KCNK9: variants seen among roughly 807,000 people sequenced by gnomAD.
KCNK9 encodes the protein potassium two pore domain channel subfamily K member 9, also known as potassium channel subfamily K member 9.
In KCNK9, 1 loss-of-function variant was observed where a neutral mutation model predicts 10.8. That is an observed-to-expected ratio of 0.09 (90% confidence interval 0.03 to 0.44). KCNK9 has a LOEUF of 0.44. Among genes scored for constraint, KCNK9 ranks in the 20% least tolerant of loss-of-function variants. The probability of loss-of-function intolerance (pLI) is 0.97; values close to 1 mark genes in which losing one functional copy is unlikely to be tolerated. For synonymous variants in KCNK9, 231 were observed against 222.7 expected, an observed-to-expected ratio of 1.04 and a Z score of -0.33; for missense variants, 303 against 515.0, an observed-to-expected ratio of 0.59 and a Z score of 3.98.
chr8:139,637,619 G>A (rs1815376184), intron 1 of KCNK9, among the ~76,000 whole-genome samples: 1 of 152,210 alleles, frequency 6.6e-6, no homozygotes, highest in African/African-American at 2.4e-5. Context: ...GGGAAACAGG[G>A]AGGTCACAGT....
chr8:139,676,765 A>G (rs1816558818), intron 1 of KCNK9, among the ~76,000 whole-genome samples: 1 of 152,202 alleles, frequency 6.6e-6, no homozygotes, highest in Non-Finnish European at 1.5e-5. Flanking sequence ...AGCCTGGCCA[A>G]CATAGTGAAA....
intron 1 of KCNK9, among the ~76,000 whole-genome samples, chr8:139,687,503 TA>T: frequency 2.1e-5 from 1 of 46,902 alleles, no homozygotes; most frequent in African/African-American, 6.4e-5. Flanking sequence ...CATATATACA[TA>T]TATATGTATA....
intron 1 of KCNK9, among the ~76,000 whole-genome samples, chr8:139,670,305 G>C (rs1038411559): frequency 6.6e-6 from 1 of 152,200 alleles, no homozygotes; most frequent in Non-Finnish European, 1.5e-5. Context: ...GTTTGAAATA[G>C]TGTGAGCATT....
At chr8:139,623,859 T>A (rs953712913) in intron 1 of KCNK9, among the ~76,000 whole-genome samples, 2 of 152,154 alleles carry the variant, frequency 1.3e-5, no homozygotes, top group South Asian at 2.1e-4. Flanking sequence ...AAGGTAGAGA[T>A]AATGAAACCA....
intron 2 of KCNK9, among the ~76,000 whole-genome samples, chr8:139,606,963 C>T (rs1814236311): frequency 6.6e-6 from 1 of 152,100 alleles, no homozygotes; most frequent in South Asian, 2.1e-4. Flanking sequence ...AGGTCCTTCT[C>T]CCCCACATCC....
intron 1 of KCNK9, among the ~76,000 whole-genome samples, chr8:139,668,216 CA>C (rs890689555): frequency 6.6e-6 from 1 of 151,820 alleles, no homozygotes; most frequent in Non-Finnish European, 1.5e-5. Flanking sequence ...GGGAGAGGAG[CA>C]AAAAAATTAA....
chr8:139,605,155 G>C (rs910668165), intron 2 of KCNK9, among the ~76,000 whole-genome samples: 1 of 152,218 alleles, frequency 6.6e-6, no homozygotes, highest in Non-Finnish European at 1.5e-5. Flanking sequence ...TTCCCTTCTT[G>C]TGTCCATACA....
At chr8:139,604,147 G>T (rs367773237) in intron 2 of KCNK9, among the ~76,000 whole-genome samples, 2 of 152,210 alleles carry the variant, frequency 1.3e-5, no homozygotes, top group Non-Finnish European at 2.9e-5. Flanking sequence ...TCTCCAGGGC[G>T]CAGACTCTGA....
At chr8:139,648,621 G>A (rs543181338) in intron 1 of KCNK9, among the ~76,000 whole-genome samples, 28 of 152,252 alleles carry the variant, frequency 1.8e-4, no homozygotes, top group African/African-American at 5.1e-4. Flanking sequence ...TGCCAGCCCC[G>A]TCACTGAGCA....
rs572557485 is a variant in KCNK9 at position 139,670,642 on chromosome 8, T to A, written c.283+32068A>T. Among the ~76,000 whole-genome samples the A allele has an allele frequency of 5.3e-5, 8 of 152,262 alleles. No individual in the cohort carries two copies. The South Asian group carries it at 1.2e-3, about 24-fold the overall frequency. ...CGGAGAGGATCCATTCTCCCCCAGGTACCAAAAGACAAATATATTTGAAAA... is the reference window on the plus strand; with the variant it reads ...CGGAGAGGATCCATTCTCCCCCAGGAACCAAAAGACAAATATATTTGAAAA... On this transcript the variant is annotated intron_variant, in intron 1 of 1. Coordinates refer to ENST00000520439, the MANE Select transcript of KCNK9 (RefSeq NM_001282534.2).
chr8:139,615,194 TAGAGA>T (rs1164511789), downstream of KCNK9, among the ~76,000 whole-genome samples: 3 of 152,156 alleles, frequency 2.0e-5, no homozygotes, highest in Admixed American at 1.3e-4. Flanking sequence ...AGGAACATGG[TAGAGA>T]AATCAGTGGG....
intron 1 of KCNK9, among the ~76,000 whole-genome samples, chr8:139,674,666 G>A (rs906466145): frequency 5.3e-5 from 8 of 152,176 alleles, no homozygotes; most frequent in East Asian, 3.9e-4. Context: ...CACGGGGCCA[G>A]ACGGTCTCTC....
At chr8:139,697,743 T>C (rs981912255) in intron 1 of KCNK9, among the ~76,000 whole-genome samples, 1 of 152,118 alleles carries the variant, frequency 6.6e-6, no homozygotes, top group African/African-American at 2.4e-5. Flanking sequence ...GCTGGGTGTC[T>C]CCGCATTCCG....
rs1815672201 is a variant in KCNK9, at chr8:139,646,218, T to C, written c.284-27119A>G. 2.6e-5 allele frequency among the ~76,000 whole-genome samples: 4 copies of C among 152,350 alleles called. No individual in the cohort carries two copies. The South Asian group carries it at 8.3e-4, about 32-fold the overall frequency. On this transcript the variant is annotated intron_variant, in intron 1 of 1. Transcript: ENST00000520439. ...AGGTCACACCCCTCAGGAAACACTG[T>C]GGGCATCACCCTTCTTTGGAGCTCA... is the stretch of plus-strand genomic sequence containing the variant.
intron 1 of KCNK9, among the ~76,000 whole-genome samples, chr8:139,671,732 C>A (rs1050540523): frequency 6.6e-6 from 1 of 152,026 alleles, no homozygotes; most frequent in African/African-American, 2.4e-5. Flanking sequence ...GTATTTTCAA[C>A]AGAATTTTTT....
At position 139,618,349 on chromosome 8, in the gene KCNK9, C is replaced by A. The variant is rs1814663659; in HGVS notation, c.1034G>T (p.Ser345Ile). Reference protein sequence around the residue: ...EEISPSTLKNSLFPSPISSIS... With the variant: ...EEISPSTLKNILFPSPISSIS... ...GGAGCTAATAGGCGATGGGAAGAGGCTGTTTTTTAATGTGCTTGGTGAGAT... is the reference window on the plus strand; with the variant it reads ...GGAGCTAATAGGCGATGGGAAGAGGATGTTTTTTAATGTGCTTGGTGAGAT... Residue 345 changes from serine (S) to isoleucine (I), a missense_variant, in exon 2 of 2, where the codon AGC (serine) becomes ATC (isoleucine). By Grantham distance (142) the Ser-to-Ile change is moderately radical. Coordinates refer to ENST00000520439, the MANE Select transcript of KCNK9 (RefSeq NM_001282534.2). This position sits in a 1 kb window ranked among gnomAD's most constrained non-coding sequence, Gnocchi z 7.9. 2 of 1,614,126 alleles carry A rather than the reference C, an allele frequency of 1.2e-6. No homozygotes were observed. Among genetic ancestry groups the A allele is most frequent in the Middle Eastern group, 1.6e-4 (1 of 6,062 alleles).
In KCNK9 at chr8:139,617,402, T is replaced by C. The variant is rs1308037216; in HGVS notation, c.*856A>G. Reference sequence around the variant, plus strand: ...AAATGTCTTTTATAAGTTAATGTTATTGGCTTTGGATTATTCCATTTCTAG... The same window carrying C: ...AAATGTCTTTTATAAGTTAATGTTACTGGCTTTGGATTATTCCATTTCTAG... On this transcript the variant is annotated 3_prime_UTR_variant, in exon 2 of 2. Transcript: ENST00000520439. 6.6e-6 allele frequency among the ~76,000 whole-genome samples: 1 copy of C among 152,234 alleles called. No individual in the cohort carries two copies. The highest frequency in any genetic ancestry group is 1.5e-5 in the Non-Finnish European group (1 of 68,044).
chr8:139,667,479 C>T (rs768551326), intron 1 of KCNK9, among the ~76,000 whole-genome samples: 6 of 150,634 alleles, frequency 4.0e-5, no homozygotes, highest in Non-Finnish European at 7.4e-5. Flanking sequence ...GGGCAGATCA[C>T]GAGGTCAGAA....
intron 1 of KCNK9, among the ~76,000 whole-genome samples, chr8:139,656,716 T>A (rs1308576948): frequency 6.6e-6 from 1 of 152,166 alleles, no homozygotes; most frequent in Non-Finnish European, 1.5e-5. Context: ...CATGGTTGTC[T>A]CCTAGACCTG....
Sources: gnomAD v4.1 joint callset for allele counts (sites outside exome capture counted in the v4.1 genomes callset) on GRCh38, gnomAD v4.1.1 for gene constraint, Gnocchi (gnomAD v3.1) non-coding constraint, MANE v1.5 for transcripts, NCBI Gene and HGNC (gene_info 2026-07-23, HGNC 2026-07-21) for gene names.